SLC4A5: variants seen among roughly 807,000 people sequenced by gnomAD.
SLC4A5 encodes the protein solute carrier family 4 member 5.
Under a neutral mutation model 120.4 loss-of-function variants are expected in SLC4A5, and 96 were observed. The ratio of observed to expected loss-of-function variants is 0.80; its 90% CI spans 0.68 to 0.94. The LOEUF is 0.94. Ranked by LOEUF, SLC4A5 falls within the 40% of genes least tolerant of loss-of-function variation. SLC4A5 has a pLI of 0.00. For missense variants in SLC4A5, 1,259 were observed against 1,459.5 expected (o/e 0.86, Z 2.24); for synonymous variants, 550 against 571.1 (o/e 0.96, Z 0.53).
intron 4 of SLC4A5, among the ~76,000 whole-genome samples, chr2:74,328,712 A>G (rs1451675148): frequency 6.6e-6 from 1 of 152,108 alleles, no homozygotes; most frequent in Non-Finnish European, 1.5e-5. Context: ...ATTACAGCTC[A>G]CTTTAATGTC....
At chr2:74,338,394 C>A (rs563881555) in intron 3 of SLC4A5, among the ~76,000 whole-genome samples, 1 of 152,220 alleles carries the variant, frequency 6.6e-6, no homozygotes, top group East Asian at 1.9e-4. Flanking sequence ...CCTTTCAGAT[C>A]GGCAGATATC....
intron 5 of SLC4A5, 26 bp from the exon 6 acceptor site, chr2:74,315,051 CAA>C (rs1672921873): frequency 1.3e-6 from 2 of 1,567,636 alleles, no homozygotes; most frequent in East Asian, 4.5e-5. Flanking sequence ...AACACAGCCT[CAA>C]AATGTATACA....
chr2:74,286,302 C>G (rs916080668), intron 7 of SLC4A5, among the ~76,000 whole-genome samples: 1 of 152,196 alleles, frequency 6.6e-6, no homozygotes, highest in East Asian at 1.9e-4. Context: ...CAACACTGGT[C>G]TTGAAAAGGC....
At chr2:74,292,999 G>A (rs932112874) in intron 7 of SLC4A5, among the ~76,000 whole-genome samples, 4 of 151,466 alleles carry the variant, frequency 2.6e-5, no homozygotes, top group African/African-American at 9.7e-5. Context: ...TGACACTCGG[G>A]AGTATATTTG....
At chr2:74,268,279 G>A (rs758294231) in intron 8 of SLC4A5, among the ~76,000 whole-genome samples, 1 of 152,164 alleles carries the variant, frequency 6.6e-6, no homozygotes, top group South Asian at 2.1e-4. Flanking sequence ...CAACCAGGAG[G>A]CATCATGCTG....
chr2:74,238,969 C>T (rs764493668), intron 21 of SLC4A5, among the ~76,000 whole-genome samples: 13 of 152,154 alleles, frequency 8.5e-5, no homozygotes, highest in African/African-American at 1.2e-4. Flanking sequence ...ATCAGAAAGG[C>T]AGACAACCCA....
In SLC4A5 at chr2:74,316,326, A is replaced by G. The variant is rs1232383169; in HGVS notation, c.-2-1301T>C. On this transcript the variant is annotated intron_variant, in intron 5 of 30. Transcript: ENST00000394019. Reference sequence around the variant, plus strand: ...GTTATGCTACAAAAGAGTTGTAAAAAAAAAAAAAAAAAAAAAAAAAAAGAG... The same window carrying G: ...GTTATGCTACAAAAGAGTTGTAAAAGAAAAAAAAAAAAAAAAAAAAAAGAG... 2.1e-5 allele frequency among the ~76,000 whole-genome samples: 3 copies of G among 142,904 alleles called. No homozygotes were observed. In the East Asian group the frequency reaches 5.8e-4, roughly 28 times the overall value. The allele number at this position is 142,904 out of a possible 152,430, so 93.8% of individuals were successfully genotyped here. A position where few individuals can be genotyped will look rare whatever the true frequency, so the allele number is the denominator to read the frequency against.
chr2:74,308,899 G>T (rs1258333602), intron 6 of SLC4A5, among the ~76,000 whole-genome samples: 2 of 151,850 alleles, frequency 1.3e-5, no homozygotes, highest in East Asian at 3.9e-4. Context: ...TTTTTGAAAG[G>T]TGTAAGGACT....
chr2:74,235,053 C>G, intron 22 of SLC4A5, 48 bp downstream of exon 22: 5 of 1,426,892 alleles, frequency 3.5e-6, no homozygotes, highest in South Asian at 1.2e-5. Flanking sequence ...GAATCTGCAG[C>G]TGGTAGGCAG....
chr2:74,307,753 C>T (rs1171276932), intron 6 of SLC4A5: 1 of 671,256 alleles, frequency 1.5e-6, no homozygotes, highest in East Asian at 3.8e-5. Flanking sequence ...GTCGTTCAGG[C>T]TTTGCATGAT....
exon 27 of SLC4A5, chr2:74,226,989 A>G: frequency 6.2e-7 from 1 of 1,613,980 alleles, no homozygotes; most frequent in Non-Finnish European, 8.5e-7. Context: ...GCCACCGTGG[A>G]TTTGAGGATC....
At chr2:74,275,769 T>TTA (rs759499696) in intron 8 of SLC4A5, among the ~76,000 whole-genome samples, 13 of 152,386 alleles carry the variant, frequency 8.5e-5, no homozygotes, top group Admixed American at 5.2e-4. Flanking sequence ...TTAACAGGTA[T>TTA]TATCTCATTT....
intron 27 of SLC4A5, among the ~76,000 whole-genome samples, chr2:74,225,213 C>T (rs1694801580): frequency 6.6e-6 from 1 of 152,268 alleles, no homozygotes; most frequent in Non-Finnish European, 1.5e-5. Context: ...ACCATGCCTA[C>T]CAGTGACCAA....
intron 30 of SLC4A5, among the ~76,000 whole-genome samples, chr2:74,221,229 A>G (rs755769808): frequency 6.6e-5 from 10 of 152,190 alleles, no homozygotes; most frequent in Non-Finnish European, 1.3e-4. Context: ...TGTTGTAACC[A>G]TGTTGTTAAG....
At chr2:74,296,310 G>C (rs1324030020) in intron 7 of SLC4A5, among the ~76,000 whole-genome samples, 1 of 152,052 alleles carries the variant, frequency 6.6e-6, no homozygotes, top group Non-Finnish European at 1.5e-5. Context: ...GGGTTGGGGG[G>C]AGCATAAAAG....
chr2:74,312,243 A>ATGTGTGTGTG (rs111417670), intron 6 of SLC4A5, among the ~76,000 whole-genome samples: 1 of 139,352 alleles, frequency 7.2e-6, no homozygotes, highest in African/African-American at 2.6e-5. Flanking sequence ...GTGTGTGTAT[A>ATGTGTGTGTG]TGTGTGTGTG....
intron 5 of SLC4A5, among the ~76,000 whole-genome samples, chr2:74,318,000 C>G (rs1056143373): frequency 2.0e-5 from 3 of 152,050 alleles, no homozygotes; most frequent in African/African-American, 7.2e-5. Context: ...ATGTAGGCAG[C>G]CAAAGAAACC....
chr2:74,291,197 G>T (rs113319430), intron 7 of SLC4A5, among the ~76,000 whole-genome samples: 4 of 152,338 alleles, frequency 2.6e-5, no homozygotes, highest in African/African-American at 9.6e-5. Flanking sequence ...CACTCGGCAG[G>T]TGTTTTCTGA....
At chr2:74,226,165 G>A (rs1694835029) in intron 27 of SLC4A5, among the ~76,000 whole-genome samples, 1 of 152,154 alleles carries the variant, frequency 6.6e-6, no homozygotes, top group Admixed American at 6.5e-5. Context: ...GTTGATCTGG[G>A]TTGATTTTCA....
Sources: gnomAD v4.1 joint callset for allele counts (sites outside exome capture counted in the v4.1 genomes callset) on GRCh38, gnomAD v4.1.1 for gene constraint, MANE v1.5 for transcripts, NCBI Gene and HGNC (gene_info 2026-07-23, HGNC 2026-07-21) for gene names.